GNAS-AS1: variants seen among roughly 807,000 people sequenced by gnomAD.
GNAS-AS1 encodes GNAS antisense RNA 1.
chr20:58,829,279 C>T (rs947455692), intron 4 of GNAS-AS1, among the ~76,000 whole-genome samples: 2 of 152,224 alleles, frequency 1.3e-5, no homozygotes, highest in Non-Finnish European at 2.9e-5. Flanking sequence ...CTATCCTCAG[C>T]TTTATGTATT....
intron 4 of GNAS-AS1, among the ~76,000 whole-genome samples, chr20:58,838,065 A>C (rs1455550665): frequency 6.6e-6 from 1 of 152,204 alleles, no homozygotes; most frequent in African/African-American, 2.4e-5. Context: ...GAAGGAGAAA[A>C]GGACCACAAC....
intron 2 of GNAS-AS1, among the ~76,000 whole-genome samples, chr20:58,847,892 C>A (rs987217348): frequency 4.6e-5 from 7 of 152,172 alleles, no homozygotes; most frequent in Non-Finnish European, 1.0e-4. Context: ...TAAGTAGAAA[C>A]ACAATTACTC....
rs1320913725 is a variant in GNAS-AS1, at chr20:58,839,862, C to CT, written n.819+2074dup. On this transcript the variant is annotated intron_variant and non_coding_transcript_variant, in intron 4 of 4. Coordinates refer to ENST00000424094, the Ensembl canonical transcript of GNAS-AS1. ...GCCCGGGAGGAGACAGAACTTTCCC[C>CT]TTTTTTCCCATCCCTTCTTCTTGCT... 1.0e-5 allele frequency: 6 copies of CT among 597,018 alleles called. No homozygotes were observed. In the East Asian group the frequency reaches 1.1e-4, roughly 11 times the overall value. The allele number at this position is 597,018 out of a possible 1,614,324, so 37.0% of individuals were successfully genotyped here. A position where few individuals can be genotyped will look rare whatever the true frequency, so the allele number is the denominator to read the frequency against.
chr20:58,821,367 T>C (rs1277544009), intron 4 of GNAS-AS1, among the ~76,000 whole-genome samples: 8 of 152,208 alleles, frequency 5.3e-5, no homozygotes, highest in Non-Finnish European at 7.3e-5. Flanking sequence ...AGCTCCATCA[T>C]TTTCCAGGCA....
At chr20:58,845,544 C>CA (rs996571046) in intron 2 of GNAS-AS1, among the ~76,000 whole-genome samples, 4 of 151,912 alleles carry the variant, frequency 2.6e-5, no homozygotes, top group African/African-American at 7.3e-5. Context: ...ATTTCAAAAA[C>CA]AAAAAAATCT....
intron 4 of GNAS-AS1, among the ~76,000 whole-genome samples, chr20:58,828,400 G>T (rs1211796038): frequency 1.3e-5 from 2 of 152,212 alleles, no homozygotes; most frequent in Non-Finnish European, 2.9e-5. Context: ...TGAGCCCTTG[G>T]CTCATGTTCC....
intron 2 of GNAS-AS1, among the ~76,000 whole-genome samples, chr20:58,844,820 AC>A (rs1179855884): frequency 6.6e-6 from 1 of 152,026 alleles, no homozygotes; most frequent in Non-Finnish European, 1.5e-5. Context: ...AAACAAAACA[AC>A]AACAACAACA....
intron 4 of GNAS-AS1, among the ~76,000 whole-genome samples, chr20:58,830,289 TCACCACCAC>T (rs1450690079): frequency 1.2e-5 from 1 of 85,498 alleles, no homozygotes; most frequent in Non-Finnish European, 2.4e-5. Flanking sequence ...CACACCACCA[TCACCACCAC>T]CATCACCACC....
intron 4 of GNAS-AS1, among the ~76,000 whole-genome samples, chr20:58,830,589 A>C (rs62203836): frequency 6.2e-4 from 22 of 35,744 alleles, no homozygotes; most frequent in South Asian, 1.0e-3. Context: ...CCACCACCAC[A>C]ATCACCACCA....
intron 4 of GNAS-AS1, chr20:58,834,028 G>A (rs1412376312): frequency 1.3e-5 from 2 of 152,160 alleles, no homozygotes; most frequent in East Asian, 1.9e-4. Context: ...TGAAGAGCTC[G>A]AGCTGCAAGG....
chr20:58,830,285 A>AT (rs2085548590), intron 4 of GNAS-AS1, among the ~76,000 whole-genome samples: 1 of 132,126 alleles, frequency 7.6e-6, no homozygotes, highest in African/African-American at 3.0e-5. Flanking sequence ...CCGCCACACC[A>AT]CCATCACCAC....
intron 4 of GNAS-AS1, among the ~76,000 whole-genome samples, chr20:58,830,180 AACCACCACCACCACATCACCATCATC>A (rs1433339116): frequency 2.9e-4 from 39 of 136,802 alleles, no homozygotes; most frequent in Middle Eastern, 3.7e-3. Context: ...CCACTATCAT[AACCACCACCACCACATCACCATCATC>A]ACCACCACCA....
In GNAS-AS1 at chr20:58,841,157, C is replaced by T. The variant is rs540948441; in HGVS notation, n.819+780G>A. On this transcript the variant is annotated intron_variant and non_coding_transcript_variant, in intron 4 of 4. Transcript: ENST00000424094. The surrounding 1 kb of genome is among the most constrained non-coding windows in gnomAD (Gnocchi z 5.0). The stretch of plus-strand genomic sequence containing the variant: ...ACAACCTGAGGTCTCCGAGCTGGTG[C>T]CCCGGCTACGCGACTGAATCCCGAA... 1.3e-5 allele frequency among the ~76,000 whole-genome samples: 2 copies of T among 152,206 alleles called. No homozygotes were observed. Among genetic ancestry groups the T allele is most frequent in the East Asian group, 1.9e-4 (1 of 5,136 alleles).
In GNAS-AS1 at chr20:58,820,007, G is replaced by A. The variant is rs575887875; in HGVS notation, n.820-752C>T. Among the ~76,000 whole-genome samples, 15 of 152,346 alleles carry A rather than the reference G, an allele frequency of 9.8e-5. No individual in the cohort carries two copies. The South Asian group carries it at 1.0e-3, about 11-fold the overall frequency. On this transcript the variant is annotated intron_variant and non_coding_transcript_variant, in intron 4 of 4. Coordinates refer to ENST00000424094, the Ensembl canonical transcript of GNAS-AS1. ...GAATGCTCATCCGTACTGCCTCTGC[G>A]GCCGTGCCATCTAGTGGGGAGGGGC...
intron 4 of GNAS-AS1, chr20:58,839,064 T>C (rs2085640507): frequency 2.5e-6 from 1 of 398,224 alleles, no homozygotes; most frequent in Non-Finnish European, 4.4e-6. Context: ...TTACCCATGC[T>C]CTCAGCTCCA....
chr20:58,844,495 G>A (rs546542893), intron 2 of GNAS-AS1, among the ~76,000 whole-genome samples: 8 of 152,182 alleles, frequency 5.3e-5, no homozygotes, highest in Non-Finnish European at 7.3e-5. Context: ...GAAAGGCCCA[G>A]GGCTAGCAGC....
At position 58,823,542 on chromosome 20, in the gene GNAS-AS1, C is replaced by A. The variant is rs8125939; in HGVS notation, n.820-4287G>T. ...GCTGTCCTCCATCCCCCCCGTCTCC[C>A]GACCCCAGTGGGCCCCATGGCCTTG... On this transcript the variant is annotated intron_variant and non_coding_transcript_variant, in intron 4 of 4. Coordinates refer to ENST00000424094, the Ensembl canonical transcript of GNAS-AS1. Among the ~76,000 whole-genome samples, 1,413 of 152,328 alleles carry A rather than the reference C, an allele frequency of 9.3e-3. 24 individuals are homozygous for A. The highest frequency in any genetic ancestry group is 0.033 in the African/African-American group (1,369 of 41,582).
chr20:58,826,013 T>C, intron 4 of GNAS-AS1: 1 of 398,630 alleles, frequency 2.5e-6, no homozygotes, highest in Non-Finnish European at 4.4e-6. Flanking sequence ...CTGAGCTTGC[T>C]CTTTTGCTTA....
intron 4 of GNAS-AS1, chr20:58,826,680 A>C (rs1224570173): frequency 1.3e-5 from 2 of 152,058 alleles, no homozygotes; most frequent in Non-Finnish European, 2.9e-5. Context: ...AGAGTTCTCC[A>C]ATGGCAGTTT....
Sources: gnomAD v4.1 joint callset for allele counts (sites outside exome capture counted in the v4.1 genomes callset) on GRCh38, gnomAD v4.1.1 for gene constraint, Gnocchi (gnomAD v3.1) non-coding constraint, MANE v1.5 for transcripts, NCBI Gene and HGNC (gene_info 2026-07-23, HGNC 2026-07-21) for gene names.